FER: variants seen among roughly 807,000 people sequenced by gnomAD.
The protein encoded by FER is tyrosine-protein kinase Fer.
FER carries 63 observed loss-of-function variants against 111.0 expected under a neutral mutation model. The observed-to-expected ratio is 0.57, with a 90% CI of 0.46 to 0.70. FER has a LOEUF of 0.70. Ranked by LOEUF, FER falls within the 30% of genes least tolerant of loss-of-function variation. The pLI is 0.00. For synonymous variants in FER, 327 were observed against 313.9 expected (o/e 1.04, Z -0.44); for missense variants, 914 against 954.0 (o/e 0.96, Z 0.55).
intron 17 of FER, among the ~76,000 whole-genome samples, chr5:109,111,576 G>A (rs1194200296): frequency 6.6e-6 from 1 of 152,080 alleles, no homozygotes; most frequent in Non-Finnish European, 1.5e-5. Context: ...CTGCTATAAA[G>A]AACTTCCTGA....
intron 2 of FER, among the ~76,000 whole-genome samples, chr5:108,786,566 G>C (rs1318088257): frequency 6.6e-6 from 1 of 152,046 alleles, no homozygotes; most frequent in African/African-American, 2.4e-5. Flanking sequence ...AGTGATGCGA[G>C]GGGGGCTCAC....
At chr5:108,873,214 G>A (rs184875830) in intron 8 of FER, among the ~76,000 whole-genome samples, 14 of 151,974 alleles carry the variant, frequency 9.2e-5, no homozygotes, top group African/African-American at 3.1e-4. Context: ...GTGCGATCTC[G>A]GCTCACTGCA....
At chr5:108,869,137 A>G (rs139984388) in intron 6 of FER, among the ~76,000 whole-genome samples, 2 of 152,170 alleles carry the variant, frequency 1.3e-5, no homozygotes, top group Non-Finnish European at 2.9e-5. Flanking sequence ...AGGTAAAATG[A>G]TAATTTCTAA....
Position 109,192,412 on chromosome 5 carries a change from T to C in FER, c.*4837T>C, listed in dbSNP as rs1013582330. On this transcript the variant is annotated 3_prime_UTR_variant, in exon 20 of 20. Coordinates refer to ENST00000281092, the MANE Select transcript of FER (RefSeq NM_005246.4). Reference sequence around the variant, plus strand: ...CTAAAGCAAAAGCAGTCATCTCCAGTGTGTGGGCCTTAGCAAAGAGTAAAC... The same window carrying C: ...CTAAAGCAAAAGCAGTCATCTCCAGCGTGTGGGCCTTAGCAAAGAGTAAAC... The C allele has an allele frequency of 6.6e-6, 1 of 152,176 alleles. No homozygotes were observed. Among genetic ancestry groups the C allele is most frequent in the African/African-American group, 2.4e-5 (1 of 41,444 alleles). 9.4% of individuals were successfully genotyped at this position (152,176 alleles called of 1,614,324 possible). A position where few individuals can be genotyped will look rare whatever the true frequency, so the allele number is the denominator to read the frequency against.
chr5:108,898,834 A>G (rs1749576009), intron 10 of FER, among the ~76,000 whole-genome samples: 1 of 151,396 alleles, frequency 6.6e-6, no homozygotes, highest in Non-Finnish European at 1.5e-5. Context: ...TCTAGTGGGT[A>G]GAGATTGGTG....
intron 3 of FER, chr5:108,819,727 C>T (rs916196556): frequency 1.1e-6 from 1 of 899,870 alleles, no homozygotes; most frequent in African/African-American, 1.8e-5. Context: ...TCCACCTGTT[C>T]ATTCTATGTG....
At chr5:108,838,787 A>G (rs892004197) in intron 5 of FER, among the ~76,000 whole-genome samples, 1 of 152,208 alleles carries the variant, frequency 6.6e-6, no homozygotes, top group African/African-American at 2.4e-5. Context: ...ACATTCTAAA[A>G]TAATACACCT....
chr5:108,896,197 G>C (rs1749069830), intron 9 of FER, among the ~76,000 whole-genome samples: 1 of 151,698 alleles, frequency 6.6e-6, no homozygotes, highest in South Asian at 2.1e-4. Flanking sequence ...GATGCAAAGA[G>C]GAAACCCTCT....
chr5:108,919,642 G>C (rs889514716), intron 10 of FER, among the ~76,000 whole-genome samples: 1 of 152,156 alleles, frequency 6.6e-6, no homozygotes, highest in Admixed American at 6.5e-5. Flanking sequence ...AGTCCTGCAA[G>C]GGAGTTATTC....
In FER at chr5:108,899,905, G is replaced by A. The variant is rs117951462; in HGVS notation, c.1236+2057G>A. 2.4e-3 allele frequency among the ~76,000 whole-genome samples: 366 copies of A among 152,274 alleles called. 11 individuals carry two copies. In the East Asian group the frequency reaches 0.059, roughly 25 times the overall value. ...GAATAGATAATGTTTCTGAGGTAGT[G>A]TATAGTGTAGTTTAAGAGAATGAAT... On this transcript the variant is annotated intron_variant, in intron 10 of 19. Coordinates refer to ENST00000281092, the MANE Select transcript of FER (RefSeq NM_005246.4).
intron 16 of FER, among the ~76,000 whole-genome samples, chr5:109,081,521 C>A (rs1041389811): frequency 3.3e-5 from 5 of 151,762 alleles, no homozygotes; most frequent in Non-Finnish European, 7.4e-5. Flanking sequence ...AATAGAAAAT[C>A]TCCAAATAAG....
intron 17 of FER, among the ~76,000 whole-genome samples, chr5:109,157,835 A>C (rs769927261): frequency 1.3e-5 from 2 of 152,076 alleles, no homozygotes; most frequent in African/African-American, 2.4e-5. Context: ...AGCAGCATCT[A>C]CCTCGGTTTT....
intron 1 of FER, among the ~76,000 whole-genome samples, chr5:108,761,472 T>TA (rs760821655): frequency 6.0e-4 from 92 of 152,276 alleles, no homozygotes; most frequent in Admixed American, 5.0e-3. Flanking sequence ...AGTTCACCGT[T>TA]ATATATGAGT....
chr5:109,025,983 G>C (rs1045263760), intron 13 of FER, among the ~76,000 whole-genome samples: 1 of 152,116 alleles, frequency 6.6e-6, no homozygotes, highest in Non-Finnish European at 1.5e-5. Flanking sequence ...GGGCATAACT[G>C]TTGGCTCTGA....
chr5:109,010,615 T>C (rs1209596808), intron 13 of FER, among the ~76,000 whole-genome samples: 2 of 152,180 alleles, frequency 1.3e-5, no homozygotes, highest in Non-Finnish European at 2.9e-5. Context: ...TCCCTATTTC[T>C]CACCCCACAT....
At chr5:109,132,532 G>A (rs1752463408) in intron 17 of FER, among the ~76,000 whole-genome samples, 1 of 152,024 alleles carries the variant, frequency 6.6e-6, no homozygotes, top group African/African-American at 2.4e-5. Flanking sequence ...GTGGAGGCAG[G>A]GAAGGAAGGT....
chr5:109,061,489 A>G (rs563746325), intron 16 of FER, among the ~76,000 whole-genome samples: 12 of 152,208 alleles, frequency 7.9e-5, no homozygotes, highest in Non-Finnish European at 1.0e-4. Context: ...ACCTGTCAAC[A>G]TCAGTTAAAT....
intron 17 of FER, among the ~76,000 whole-genome samples, chr5:109,176,632 G>A (rs1404543273): frequency 6.6e-6 from 1 of 152,136 alleles, no homozygotes; most frequent in East Asian, 1.9e-4. Flanking sequence ...AGATTTCAGT[G>A]TTCATGACAC....
chr5:108,958,917 T>A (rs1337264330), intron 12 of FER, among the ~76,000 whole-genome samples: 1 of 151,948 alleles, frequency 6.6e-6, no homozygotes, highest in Admixed American at 6.6e-5. Context: ...GGTTAGCATT[T>A]TAGCAAAATG....
Sources: gnomAD v4.1 joint callset for allele counts (sites outside exome capture counted in the v4.1 genomes callset) on GRCh38, gnomAD v4.1.1 for gene constraint, MANE v1.5 for transcripts, NCBI Gene and HGNC (gene_info 2026-07-23, HGNC 2026-07-21) for gene names.